Variants in DLG2 observed in about 807,000 individuals in gnomAD.
DLG2 encodes discs large MAGUK scaffold protein 2, also known as disks large homolog 2.
In DLG2, 45 loss-of-function variants were observed where a neutral mutation model predicts 132.5. The ratio of observed to expected loss-of-function variants is 0.34; its 90% confidence interval spans 0.27 to 0.44. DLG2 has a LOEUF of 0.44. DLG2 is among the 20% of genes least tolerant of loss of function. The probability of loss-of-function intolerance (pLI) is 1.00; values close to 1 mark genes in which losing one functional copy is unlikely to be tolerated. For missense variants in DLG2, 1,045 were observed against 1,196.9 expected (o/e 0.87, Z 1.87); for synonymous variants, 424 against 419.6 (o/e 1.01, Z -0.13).
intron 4 of DLG2, among the ~76,000 whole-genome samples, chr11:85,185,392 G>C (rs1298895927): frequency 6.6e-6 from 1 of 151,922 alleles, no homozygotes; most frequent in Non-Finnish European, 1.5e-5. Flanking sequence ...AATAAATTTG[G>C]ATATTTAGGA....
intron 9 of DLG2, among the ~76,000 whole-genome samples, chr11:84,104,885 AT>A (rs1566517606): frequency 6.6e-6 from 1 of 152,118 alleles, no homozygotes; most frequent in Non-Finnish European, 1.5e-5. Flanking sequence ...GTTTCTTACA[AT>A]TTCCTATGTG....
intron 6 of DLG2, among the ~76,000 whole-genome samples, chr11:84,685,114 G>T (rs1435359051): frequency 6.6e-6 from 1 of 152,214 alleles, no homozygotes; most frequent in African/African-American, 2.4e-5. Flanking sequence ...CCAGAGAAAA[G>T]AAGTGAGTTG....
At chr11:85,157,032 G>A (rs1464616319) in intron 4 of DLG2, among the ~76,000 whole-genome samples, 1 of 152,134 alleles carries the variant, frequency 6.6e-6, no homozygotes, top group African/African-American at 2.4e-5. Flanking sequence ...TAATCTGGGT[G>A]GGCACCATCT....
At chr11:83,800,193 CTGA>C (rs1470336758) in intron 17 of DLG2, among the ~76,000 whole-genome samples, 3 of 152,164 alleles carry the variant, frequency 2.0e-5, no homozygotes, top group African/African-American at 7.2e-5. Context: ...GTCAGGAGTG[CTGA>C]GTTCCAGTCA....
intron 3 of DLG2, among the ~76,000 whole-genome samples, chr11:85,293,161 T>C (rs1399367522): frequency 6.6e-6 from 1 of 152,058 alleles, no homozygotes; most frequent in Non-Finnish European, 1.5e-5. Context: ...CTAATAAATA[T>C]AGAAGAAATG....
At chr11:84,077,827 T>C (rs191162109) in intron 10 of DLG2, among the ~76,000 whole-genome samples, 114 of 152,290 alleles carry the variant, frequency 7.5e-4, no homozygotes, top group Non-Finnish European at 1.4e-3. Context: ...CATTCTACTT[T>C]TACCATGGGA....
At chr11:84,205,549 T>C (rs2096654227) in intron 8 of DLG2, among the ~76,000 whole-genome samples, 1 of 65,476 alleles carries the variant, frequency 1.5e-5, no homozygotes, top group Non-Finnish European at 3.8e-5. Context: ...AATAACAGAA[T>C]TAAATTAAAA....
chr11:84,502,214 C>T (rs1417920907), intron 7 of DLG2, among the ~76,000 whole-genome samples: 1 of 11,648 alleles, frequency 8.6e-5, no homozygotes, highest in African/African-American at 1.2e-3. Flanking sequence ...TTCCTTCCTT[C>T]CTTCCTTCCT....
intron 3 of DLG2, among the ~76,000 whole-genome samples, chr11:85,499,030 T>A (rs1470690847): frequency 1.3e-5 from 2 of 151,830 alleles, no homozygotes; most frequent in East Asian, 3.9e-4. Context: ...AACATCACAA[T>A]TAAAAGAACT....
chr11:85,361,413 C>T (rs1160257897), intron 3 of DLG2, among the ~76,000 whole-genome samples: 1 of 152,038 alleles, frequency 6.6e-6, no homozygotes, highest in African/African-American at 2.4e-5. Flanking sequence ...TACCCATCAC[C>T]CAATACTGAA....
intron 6 of DLG2, among the ~76,000 whole-genome samples, chr11:84,796,202 A>G (rs2074580469): frequency 6.6e-6 from 1 of 152,194 alleles, no homozygotes; most frequent in African/African-American, 2.4e-5. Flanking sequence ...GTATCAAAAC[A>G]TCTCTTGAAT....
intron 6 of DLG2, among the ~76,000 whole-genome samples, chr11:84,689,620 C>T (rs2057781271): frequency 6.6e-6 from 1 of 152,000 alleles, no homozygotes; most frequent in Non-Finnish European, 1.5e-5. Flanking sequence ...ACCCATTGTC[C>T]TACTTTTACT....
At chr11:83,562,360 T>G (rs1228481129) in intron 19 of DLG2, among the ~76,000 whole-genome samples, 1 of 152,138 alleles carries the variant, frequency 6.6e-6, no homozygotes, top group Non-Finnish European at 1.5e-5. Flanking sequence ...ACTCACCCCT[T>G]GCAACATTTT....
At position 84,875,095 on chromosome 11, in the gene DLG2, G is replaced by A. The variant is rs2086134934; in HGVS notation, c.357+236566C>T. ...GCATGAAAGCTGATAAGGCAGAAAA[G>A]TGAGTCATGGTATCTGACATGACCA... On this transcript the variant is annotated intron_variant, in intron 6 of 27. Coordinates refer to ENST00000376104, the MANE Select transcript of DLG2 (RefSeq NM_001142699.3). Among the ~76,000 whole-genome samples the A allele has an allele frequency of 1.3e-5, 2 of 151,390 alleles. 1 individual carries two copies. Among genetic ancestry groups the A allele is most frequent in the South Asian group, 4.2e-4 (2 of 4,794 alleles).
At chr11:84,678,064 A>T (rs1359478320) in intron 6 of DLG2, among the ~76,000 whole-genome samples, 2 of 152,178 alleles carry the variant, frequency 1.3e-5, no homozygotes, top group Admixed American at 1.3e-4. Flanking sequence ...CTTGTAAAAA[A>T]TTGCGTCCCT....
chr11:85,210,466 G>C (rs1372243057), intron 4 of DLG2, among the ~76,000 whole-genome samples: 1 of 152,048 alleles, frequency 6.6e-6, no homozygotes, highest in Non-Finnish European at 1.5e-5. Flanking sequence ...TCCAAATGTT[G>C]TCATGTCCAA....
chr11:84,821,613 T>C (rs1189423283), intron 6 of DLG2, among the ~76,000 whole-genome samples: 2 of 144,102 alleles, frequency 1.4e-5, no homozygotes, highest in African/African-American at 5.1e-5. Context: ...TGCTCACCTA[T>C]GGTTCATACA....
chr11:83,791,418 G>A (rs1244834752), intron 17 of DLG2: 49 of 686,450 alleles, frequency 7.1e-5, no homozygotes, highest in South Asian at 6.6e-4. Context: ...TGTTGATATC[G>A]CAGTTGGCCA....
chr11:84,008,427 C>T (rs1418714012), intron 11 of DLG2, among the ~76,000 whole-genome samples: 1 of 151,920 alleles, frequency 6.6e-6, no homozygotes, highest in African/African-American at 2.4e-5. Flanking sequence ...ATATAGTTAG[C>T]TCACATGTTT....
Sources: allele counts gnomAD v4.1 joint callset (sites outside exome capture counted in the v4.1 genomes callset), GRCh38; gene constraint gnomAD v4.1.1; transcripts MANE v1.5; gene names NCBI Gene and HGNC (gene_info 2026-07-23, HGNC 2026-07-21).